LRRC72: variants seen among roughly 807,000 people sequenced by gnomAD.
The protein encoded by LRRC72 is leucine rich repeat containing 72.
Under a neutral mutation model 35.8 loss-of-function variants are expected in LRRC72, and 41 were observed. The ratio of observed to expected loss-of-function variants is 1.15; its 90% CI spans 0.89 to 1.49. The LOEUF is 1.49. LRRC72 is among the 40% of genes most tolerant of loss of function. LRRC72 has a pLI of 0.00. For missense variants in LRRC72, 389 were observed against 330.7 expected (o/e 1.18, Z -1.37); for synonymous variants, 118 against 119.2 (o/e 0.99, Z 0.07).
intron 1 of LRRC72, among the ~76,000 whole-genome samples, chr7:16,531,086 G>A (rs879396670): frequency 2.6e-5 from 4 of 151,842 alleles, no homozygotes; most frequent in Non-Finnish European, 5.9e-5. Flanking sequence ...CTACTTGGGA[G>A]GCAGGAGAAT....
chr7:16,540,869 T>C (rs1444353064), intron 3 of LRRC72, among the ~76,000 whole-genome samples: 3 of 152,170 alleles, frequency 2.0e-5, no homozygotes, highest in African/African-American at 7.2e-5. Context: ...TTAAACCTCT[T>C]TTCTTTATAA....
chr7:16,569,882 T>G (rs919873424), intron 7 of LRRC72, among the ~76,000 whole-genome samples: 2 of 151,558 alleles, frequency 1.3e-5, no homozygotes, highest in Admixed American at 6.6e-5. Flanking sequence ...AATGCAAAAA[T>G]TATCTGGGTG....
At chr7:16,561,870 G>C (rs1327320060) in intron 5 of LRRC72, among the ~76,000 whole-genome samples, 1 of 152,180 alleles carries the variant, frequency 6.6e-6, no homozygotes. Flanking sequence ...ATTAGCTTTA[G>C]CTGATAAACT....
intron 1 of LRRC72, chr7:16,530,076 C>A (rs982991182): frequency 1.3e-5 from 2 of 151,940 alleles, no homozygotes; most frequent in African/African-American, 4.8e-5. Flanking sequence ...TTTTCGATAT[C>A]TTTAGATGTC....
At chr7:16,541,201 C>A (rs530137390) in intron 3 of LRRC72, among the ~76,000 whole-genome samples, 17 of 152,198 alleles carry the variant, frequency 1.1e-4, no homozygotes, top group Non-Finnish European at 2.1e-4. Context: ...TTGTTTGCAA[C>A]TTTCAAAAAT....
intron 3 of LRRC72, among the ~76,000 whole-genome samples, chr7:16,547,398 A>G (rs558913187): frequency 2.2e-4 from 34 of 151,920 alleles, no homozygotes; most frequent in African/African-American, 8.2e-4. Flanking sequence ...AGGCACAACT[A>G]CAGCTGCCCA....
At chr7:16,562,871 C>T (rs554924118) in intron 5 of LRRC72, among the ~76,000 whole-genome samples, 3 of 152,310 alleles carry the variant, frequency 2.0e-5, no homozygotes, top group African/African-American at 4.8e-5. Context: ...CCTCCTCTCT[C>T]GATCCTCTGC....
At chr7:16,535,705 C>T (rs571573824) in intron 2 of LRRC72, among the ~76,000 whole-genome samples, 16 of 152,132 alleles carry the variant, frequency 1.1e-4, no homozygotes, top group Non-Finnish European at 1.9e-4. Context: ...GGCAGACTGA[C>T]GTCATTTGGA....
chr7:16,529,433 A>G (rs981579205), intron 1 of LRRC72, among the ~76,000 whole-genome samples: 1 of 151,950 alleles, frequency 6.6e-6, no homozygotes, highest in African/African-American at 2.4e-5. Flanking sequence ...GTACTTGCAG[A>G]TACTGTTTTT....
chr7:16,575,237 G>C (rs1783019196), intron 7 of LRRC72, among the ~76,000 whole-genome samples: 1 of 152,132 alleles, frequency 6.6e-6, no homozygotes, highest in Non-Finnish European at 1.5e-5. Context: ...ACTCATATTT[G>C]GCTCAGAATA....
rs189857451 is a variant in LRRC72 at position 16,575,910 on chromosome 7, G to A, written c.671-4164G>A. Among the ~76,000 whole-genome samples the A allele has an allele frequency of 1.1e-4, 17 of 151,872 alleles. No individual in the cohort carries two copies. The East Asian group carries it at 3.3e-3, about 29-fold the overall frequency. On this transcript the variant is annotated intron_variant, in intron 7 of 8. Coordinates refer to ENST00000401542, the MANE Select transcript of LRRC72 (RefSeq NM_001195280.2). ...TTATTGGTGTGATCCCTACCTTTAG[G>A]GATCTACATTTCTTTTGTTTAACCA...
At chr7:16,575,183 A>G (rs1188415157) in intron 7 of LRRC72, among the ~76,000 whole-genome samples, 1 of 152,198 alleles carries the variant, frequency 6.6e-6, no homozygotes, top group Non-Finnish European at 1.5e-5. Flanking sequence ...CCTTGGGCAC[A>G]TGTTCTCAGG....
At position 16,564,157 on chromosome 7, in the gene LRRC72, G is replaced by T. The variant is rs913528233; in HGVS notation, c.428-2156G>T. On this transcript the variant is annotated intron_variant, in intron 5 of 8. Transcript: ENST00000401542. ...ATTTTCCATTAACGTCATATGTAAA[G>T]GCAGACTCTACTTCCAGATGCTATA... is the stretch of plus-strand genomic sequence containing the variant. Among the ~76,000 whole-genome samples, 41 of 152,300 alleles carry T rather than the reference G, an allele frequency of 2.7e-4. 1 individual carries two copies. The highest frequency in any genetic ancestry group is 4.7e-4 in the Non-Finnish European group (32 of 68,020).
intron 3 of LRRC72, among the ~76,000 whole-genome samples, chr7:16,539,942 G>A (rs1054952737): frequency 2.0e-5 from 3 of 152,236 alleles, no homozygotes; most frequent in African/African-American, 7.2e-5. Context: ...ACCTCCACTA[G>A]GGCAATGCAG....
intron 3 of LRRC72, among the ~76,000 whole-genome samples, chr7:16,547,598 G>T (rs1782470902): frequency 6.6e-6 from 1 of 152,332 alleles, no homozygotes; most frequent in South Asian, 2.1e-4. Context: ...CTACTGTCTG[G>T]CTTCTCCCTG....
chr7:16,548,317 C>A (rs552240953), intron 3 of LRRC72, among the ~76,000 whole-genome samples: 2 of 152,338 alleles, frequency 1.3e-5, no homozygotes, highest in South Asian at 4.1e-4. Flanking sequence ...AGAGCCATAA[C>A]ACAAACAGGG....
At chr7:16,551,024 C>T (rs1040787193) in intron 3 of LRRC72, among the ~76,000 whole-genome samples, 1 of 152,126 alleles carries the variant, frequency 6.6e-6, no homozygotes, top group Non-Finnish European at 1.5e-5. Flanking sequence ...GCCCTAATTC[C>T]CAGTCCCTCA....
At chr7:16,573,168 G>C (rs1782977334) in intron 7 of LRRC72, among the ~76,000 whole-genome samples, 1 of 152,086 alleles carries the variant, frequency 6.6e-6, no homozygotes, top group African/African-American at 2.4e-5. Flanking sequence ...CAAACAAATG[G>C]AAAAACATTC....
At chr7:16,552,523 G>A (rs1182819247) in intron 3 of LRRC72, among the ~76,000 whole-genome samples, 1 of 152,224 alleles carries the variant, frequency 6.6e-6, no homozygotes, top group Non-Finnish European at 1.5e-5. Flanking sequence ...TTACTTGTGT[G>A]TGATGTTGCT....
Sources: allele counts gnomAD v4.1 joint callset (sites outside exome capture counted in the v4.1 genomes callset), GRCh38; gene constraint gnomAD v4.1.1; transcripts MANE v1.5; gene names NCBI Gene and HGNC (gene_info 2026-07-23, HGNC 2026-07-21).